Variants in COL21A1 observed in about 807,000 individuals in gnomAD.
COL21A1 encodes collagen type XXI alpha 1 chain.
A neutral mutation model predicts 137.9 loss-of-function variants in COL21A1; 149 were observed. The ratio of observed to expected loss-of-function variants is 1.08; its 90% CI spans 0.95 to 1.24. The LOEUF is 1.24. Ranked by LOEUF, COL21A1 falls within the 50% of genes most tolerant of loss-of-function variation. The probability of loss-of-function intolerance (pLI) is 0.00; values close to 1 mark genes in which losing one functional copy is unlikely to be tolerated. For missense variants in COL21A1, 1,167 were observed against 1,158.4 expected, an observed-to-expected ratio of 1.01 and a Z score of -0.11; for synonymous variants, 456 against 391.5, an observed-to-expected ratio of 1.16 and a Z score of -1.95.
At chr6:56,303,433 A>G (rs1274181051) in intron 1 of COL21A1, among the ~76,000 whole-genome samples, 1 of 152,012 alleles carries the variant, frequency 6.6e-6, no homozygotes, top group African/African-American at 2.4e-5. Context: ...GTTCTCCTTG[A>G]AGAGGTCCTT....
At chr6:56,150,586 C>T (rs1272933481) in intron 10 of COL21A1, among the ~76,000 whole-genome samples, 1 of 149,830 alleles carries the variant, frequency 6.7e-6, no homozygotes, top group Non-Finnish European at 1.5e-5. Context: ...GGAACTGAAT[C>T]ACGAACTGTG....
At chr6:56,081,412 G>A (rs1295767525) in intron 17 of COL21A1, among the ~76,000 whole-genome samples, 1 of 151,696 alleles carries the variant, frequency 6.6e-6, no homozygotes, top group Non-Finnish European at 1.5e-5. Flanking sequence ...ATGTTTGGCT[G>A]ATCTTGATTA....
intron 1 of COL21A1, among the ~76,000 whole-genome samples, chr6:56,318,478 T>C (rs146009247): frequency 1.1e-4 from 17 of 152,230 alleles, no homozygotes; most frequent in African/African-American, 3.6e-4. Context: ...ACCACTCTTA[T>C]AACTCTCAGC....
chr6:56,177,092 T>G (rs1777540805), intron 3 of COL21A1, among the ~76,000 whole-genome samples: 1 of 150,726 alleles, frequency 6.6e-6, no homozygotes, highest in Non-Finnish European at 1.5e-5. Flanking sequence ...GAAGAGGAAG[T>G]GGTAGTAGTA....
intron 12 of COL21A1, among the ~76,000 whole-genome samples, chr6:56,139,260 T>A (rs542922067): frequency 6.6e-6 from 1 of 152,286 alleles, no homozygotes; most frequent in East Asian, 1.9e-4. Context: ...ATTTATAGCA[T>A]TTAATTTAGG....
intron 16 of COL21A1, among the ~76,000 whole-genome samples, chr6:56,103,811 AACTGCAGATTGTGGACC>A (rs1269740850): frequency 6.6e-6 from 1 of 152,178 alleles, no homozygotes; most frequent in Admixed American, 6.5e-5. Flanking sequence ...AGGTTTGTTA[AACTGCAGATTGTGGACC>A]CCAACCCAGA....
intron 17 of COL21A1, among the ~76,000 whole-genome samples, chr6:56,095,629 G>A (rs1384674165): frequency 1.3e-5 from 2 of 152,126 alleles, no homozygotes; most frequent in Admixed American, 6.6e-5. Flanking sequence ...CCGCATGGCA[G>A]CCTCAACTAC....
chr6:56,301,969 A>C (rs1456110356), intron 1 of COL21A1, among the ~76,000 whole-genome samples: 2 of 152,058 alleles, frequency 1.3e-5, no homozygotes, highest in Admixed American at 1.3e-4. Context: ...ATGAGTGAGA[A>C]CATGCGGTGT....
chr6:56,326,540 T>G (rs560074076), intron 1 of COL21A1, among the ~76,000 whole-genome samples: 15 of 152,032 alleles, frequency 9.9e-5, no homozygotes, highest in African/African-American at 3.6e-4. Flanking sequence ...GGACAAAAAC[T>G]AATCTACTTG....
rs747880853 is a variant in COL21A1 at position 56,069,052 on chromosome 6, T to C, written c.2085A>G (p.Gly695=). ...TCTCCTAACCAATGCATACCTTTTT[T>C]CCTTGAATCCCGGGTAAACCCATGT... is the stretch of plus-strand genomic sequence containing the variant. ...PGYMGLPGIQ[G]KKGDKGNQGE... is the part of the protein sequence containing the mutation. The change falls in exon 22 of 30, where the codon GGA becomes GGG. Residue 695 remains glycine, a synonymous_variant. Coordinates refer to ENST00000244728, the MANE Select transcript of COL21A1 (RefSeq NM_030820.4). 18 of 1,601,402 alleles carry C rather than the reference T, an allele frequency of 1.1e-5. No individual in the cohort carries two copies. The highest frequency in any genetic ancestry group is 1.5e-5 in the Non-Finnish European group (18 of 1,173,552).
chr6:56,261,492 A>C (rs768740110), intron 1 of COL21A1, among the ~76,000 whole-genome samples: 1 of 152,054 alleles, frequency 6.6e-6, no homozygotes, highest in Non-Finnish European at 1.5e-5. Flanking sequence ...CCTAAAAGAG[A>C]CCCAAGAGAC....
In COL21A1 at chr6:56,180,147, C is replaced by T; in HGVS notation, c.89-18G>A. On this transcript the variant is annotated intron_variant, in intron 2 of 29. Coordinates refer to ENST00000244728, the MANE Select transcript of COL21A1 (RefSeq NM_030820.4). ...ACGACAACCTAAGTGCAAAAGAAAA[C>T]CATCATAGCACATCTTTTATATAAA... 6.4e-7 allele frequency: 1 copy of T among 1,573,912 alleles called. No individual in the cohort carries two copies. Among genetic ancestry groups the T allele is most frequent in the Non-Finnish European group, 8.6e-7 (1 of 1,162,740 alleles).
intron 1 of COL21A1, among the ~76,000 whole-genome samples, chr6:56,293,109 A>G (rs1463385742): frequency 1.3e-5 from 2 of 152,182 alleles, no homozygotes; most frequent in East Asian, 1.9e-4. Flanking sequence ...TTTGCATTGA[A>G]TCTACAGTGA....
intron 12 of COL21A1, among the ~76,000 whole-genome samples, chr6:56,132,032 T>G (rs1773593165): frequency 6.6e-6 from 1 of 151,376 alleles, no homozygotes; most frequent in African/African-American, 2.4e-5. Context: ...ATAACCTAAA[T>G]GAGTAAGAGA....
chr6:56,166,761 C>A (rs747596171), intron 7 of COL21A1, 145 bp downstream of exon 7: 1 of 724,412 alleles, frequency 1.4e-6, no homozygotes, highest in South Asian at 1.5e-5. Flanking sequence ...ATATGTTTTG[C>A]TTCATGTAAC....
chr6:56,095,261 A>G (rs2114223993), intron 17 of COL21A1, among the ~76,000 whole-genome samples: 1 of 152,240 alleles, frequency 6.6e-6, no homozygotes, highest in South Asian at 2.1e-4. Flanking sequence ...TTTGTGTTCT[A>G]TTCCCTGTTT....
At chr6:56,127,361 T>C (rs1183997223) in intron 12 of COL21A1, among the ~76,000 whole-genome samples, 8 of 152,236 alleles carry the variant, frequency 5.3e-5, no homozygotes, top group Admixed American at 4.6e-4. Flanking sequence ...ATAAACTGAT[T>C]GTTATATTGA....
chr6:56,087,925 G>A (rs1300763102), intron 17 of COL21A1, among the ~76,000 whole-genome samples: 1 of 152,124 alleles, frequency 6.6e-6, no homozygotes, highest in Non-Finnish European at 1.5e-5. Context: ...TGCTTCTCCT[G>A]TGTTTGACAA....
At chr6:56,380,285 T>A (rs530412069) in intron 1 of COL21A1, among the ~76,000 whole-genome samples, 1 of 152,326 alleles carries the variant, frequency 6.6e-6, no homozygotes, top group African/African-American at 2.4e-5. Context: ...GCACCATGCT[T>A]CTTATACAAC....
Sources: gnomAD v4.1 joint callset for allele counts (sites outside exome capture counted in the v4.1 genomes callset) on GRCh38, gnomAD v4.1.1 for gene constraint, MANE v1.5 for transcripts, NCBI Gene and HGNC (gene_info 2026-07-23, HGNC 2026-07-21) for gene names.